The following RALGPS1 variants were observed in gnomAD, a reference collection of about 807,000 sequenced individuals.
The protein encoded by RALGPS1 is ras-specific guanine nucleotide-releasing factor RalGPS1.
In RALGPS1, 19 loss-of-function variants were observed where a neutral mutation model predicts 78.8. That is an observed-to-expected ratio of 0.24 (90% CI 0.17 to 0.35). The LOEUF (loss-of-function observed/expected upper bound fraction) is 0.35, where lower values mean the gene tolerates loss of function less well. RALGPS1 is among the 10% of genes least tolerant of loss of function. The pLI is 1.00. For synonymous variants in RALGPS1, 228 were observed against 256.3 expected (o/e 0.89, Z 1.06); for missense variants, 454 against 688.3 (o/e 0.66, Z 3.81).
In RALGPS1 at chr9:127,183,942, C is replaced by G. The variant is rs1272266749; in HGVS notation, c.910+9160C>G. The G allele has an allele frequency of 6.4e-7, 1 of 1,550,494 alleles. No individual in the cohort carries two copies. The highest frequency in any genetic ancestry group is 2.0e-5 in the Admixed American group (1 of 50,992). On this transcript the variant is annotated intron_variant, in intron 11 of 18. Transcript: ENST00000259351. The surrounding 1 kb of genome is among the most constrained non-coding windows in gnomAD (Gnocchi z 4.0). ...CTCAAACCCACCTCTGGCCAACACCCTGCCTGGATGTGGCCCAGCTCCTCA... is the reference window on the plus strand; with the variant it reads ...CTCAAACCCACCTCTGGCCAACACCGTGCCTGGATGTGGCCCAGCTCCTCA...
At chr9:127,057,209 G>T (rs937449224) in intron 7 of RALGPS1, among the ~76,000 whole-genome samples, 2 of 152,154 alleles carry the variant, frequency 1.3e-5, no homozygotes, top group Non-Finnish European at 1.5e-5. Flanking sequence ...CACAGGGCAG[G>T]GACAAATAGA....
chr9:127,138,546 C>T (rs965760140), intron 8 of RALGPS1, among the ~76,000 whole-genome samples: 1 of 152,128 alleles, frequency 6.6e-6, no homozygotes, highest in Admixed American at 6.5e-5. Context: ...AGGTGTTGGG[C>T]AAGCTCACAA....
intron 7 of RALGPS1, among the ~76,000 whole-genome samples, chr9:127,054,542 C>T (rs1295850032): frequency 6.6e-6 from 1 of 152,164 alleles, no homozygotes; most frequent in Non-Finnish European, 1.5e-5. Context: ...GCGATGGTGT[C>T]CTCCAGGGGA....
chr9:126,958,845 T>A (rs1342013003), intron 1 of RALGPS1, among the ~76,000 whole-genome samples: 1 of 152,138 alleles, frequency 6.6e-6, no homozygotes, highest in Non-Finnish European at 1.5e-5. Flanking sequence ...TACCAAACGA[T>A]CTTTCAAAGT....
At position 127,218,914 on chromosome 9, in the gene RALGPS1, C is replaced by A. The variant is rs2062701477; in HGVS notation, c.*145C>A. On this transcript the variant is annotated 3_prime_UTR_variant, in exon 19 of 19. Coordinates refer to ENST00000259351, the MANE Select transcript of RALGPS1 (RefSeq NM_014636.3). The surrounding 1 kb of genome is among the most constrained non-coding windows in gnomAD (Gnocchi z 4.4). ...TCAGGGGACACGGCCTGTGGCCTCACCATCCCAGAGGGCTTCACCAGTGTG... is the reference window on the plus strand; with the variant it reads ...TCAGGGGACACGGCCTGTGGCCTCAACATCCCAGAGGGCTTCACCAGTGTG... 2 of 924,546 alleles carry A rather than the reference C, an allele frequency of 2.2e-6. No individual in the cohort carries two copies. The highest frequency in any genetic ancestry group is 2.7e-5 in the South Asian group (2 of 74,316). The allele number at this position is 924,546 out of a possible 1,614,324, so 57.3% of individuals were successfully genotyped here.
chr9:126,917,012 G>A (rs2034239629), intron 1 of RALGPS1, among the ~76,000 whole-genome samples: 2 of 152,170 alleles, frequency 1.3e-5, no homozygotes, highest in South Asian at 4.1e-4. Context: ...ATGGACAGAA[G>A]TGAAGGTAGG....
chr9:127,017,672 C>T (rs960880448), intron 4 of RALGPS1, among the ~76,000 whole-genome samples: 1 of 152,172 alleles, frequency 6.6e-6, no homozygotes, highest in African/African-American at 2.4e-5. Context: ...TAGCTTAAAA[C>T]ACACATTGTT....
chr9:126,962,917 C>A (rs1261724945), intron 2 of RALGPS1, among the ~76,000 whole-genome samples: 1 of 152,226 alleles, frequency 6.6e-6, no homozygotes, highest in Non-Finnish European at 1.5e-5. Flanking sequence ...GCTCCTCGGA[C>A]AGATTGGCAA....
chr9:127,191,575 T>C (rs1306895628), intron 11 of RALGPS1, among the ~76,000 whole-genome samples: 1 of 152,202 alleles, frequency 6.6e-6, no homozygotes, highest in African/African-American at 2.4e-5. Context: ...TACTACTGCT[T>C]TAGGTTTTGT....
chr9:126,971,541 G>A (rs1186211079), intron 3 of RALGPS1, among the ~76,000 whole-genome samples: 1 of 152,114 alleles, frequency 6.6e-6, no homozygotes, highest in Non-Finnish European at 1.5e-5. Flanking sequence ...GAAAGAAAAA[G>A]TGAGCCAAAG....
intron 1 of RALGPS1, among the ~76,000 whole-genome samples, chr9:126,959,064 C>CTT (rs35067123): frequency 2.9e-5 from 4 of 136,332 alleles, no homozygotes; most frequent in South Asian, 2.6e-4. Flanking sequence ...TCTTCTTCTT[C>CTT]TTTTTTTTTT....
intron 4 of RALGPS1, among the ~76,000 whole-genome samples, chr9:127,023,962 G>A (rs2045718202): frequency 6.7e-6 from 1 of 149,982 alleles, no homozygotes; most frequent in Non-Finnish European, 1.5e-5. Flanking sequence ...GCTTGAACCT[G>A]GGAGGCGGAG....
At chr9:127,074,739 T>C (rs1243998139) in intron 8 of RALGPS1, among the ~76,000 whole-genome samples, 1 of 152,174 alleles carries the variant, frequency 6.6e-6, no homozygotes, top group East Asian at 1.9e-4. Flanking sequence ...CAGTGAGAGG[T>C]TGCCTAAGGT....
At chr9:127,016,058 AT>A (rs564604454) in intron 4 of RALGPS1, among the ~76,000 whole-genome samples, 3,548 of 131,728 alleles carry the variant, frequency 0.027, 44 homozygotes, top group Middle Eastern at 0.054. Flanking sequence ...TTCCATTTGC[AT>A]TTTTTTCTGT....
intron 14 of RALGPS1, among the ~76,000 whole-genome samples, chr9:127,202,619 C>T (rs535863934): frequency 5.3e-5 from 8 of 152,196 alleles, no homozygotes; most frequent in African/African-American, 1.9e-4. Flanking sequence ...CGGGGAGGGG[C>T]AGTGAGATGC....
chr9:127,011,509 T>C (rs1052607820), intron 4 of RALGPS1, among the ~76,000 whole-genome samples: 2 of 152,188 alleles, frequency 1.3e-5, no homozygotes, highest in Non-Finnish European at 2.9e-5. Flanking sequence ...GTGCACTTCC[T>C]TGGGACTCTT....
chr9:127,017,737 G>A (rs1200142336), intron 4 of RALGPS1, among the ~76,000 whole-genome samples: 2 of 151,820 alleles, frequency 1.3e-5, no homozygotes, highest in African/African-American at 4.8e-5. Context: ...AGATTTTTTT[G>A]TATTTTTAAA....
chr9:127,067,716 T>C (rs1350317597), intron 7 of RALGPS1, among the ~76,000 whole-genome samples: 2 of 152,218 alleles, frequency 1.3e-5, no homozygotes, highest in African/African-American at 4.8e-5. Flanking sequence ...ACTCCAACCC[T>C]GGGGCTTCTG....
intron 5 of RALGPS1, among the ~76,000 whole-genome samples, chr9:127,045,869 C>T (rs2047725634): frequency 6.6e-6 from 1 of 151,870 alleles, no homozygotes; most frequent in Non-Finnish European, 1.5e-5. Context: ...TACTTCATAC[C>T]TGTTTTGTGC....
Sources: gnomAD v4.1 joint callset for allele counts (sites outside exome capture counted in the v4.1 genomes callset) on GRCh38, gnomAD v4.1.1 for gene constraint, Gnocchi (gnomAD v3.1) non-coding constraint, MANE v1.5 for transcripts, NCBI Gene and HGNC (gene_info 2026-07-23, HGNC 2026-07-21) for gene names.